The following TBC1D5 variants were observed in gnomAD, a reference collection of about 807,000 sequenced individuals.
TBC1D5 encodes TBC1 domain family member 5, also known as TBC1 domain family, member 5.
A neutral mutation model predicts 100.3 loss-of-function variants in TBC1D5; 75 were observed. The ratio of observed to expected loss-of-function variants is 0.75; its 90% CI spans 0.62 to 0.91. The LOEUF is 0.91. Among genes scored for constraint, TBC1D5 ranks in the 40% least tolerant of loss-of-function variants. The pLI is 0.00. For synonymous variants in TBC1D5, 323 were observed against 325.6 expected (o/e 0.99, Z 0.09); for missense variants, 910 against 942.4 (o/e 0.97, Z 0.45).
intron 3 of TBC1D5, among the ~76,000 whole-genome samples, chr3:17,482,594 C>T (rs1371398574): frequency 2.0e-5 from 3 of 151,986 alleles, no homozygotes; most frequent in Non-Finnish European, 4.4e-5. Flanking sequence ...TTTGAGTGTC[C>T]AGAAAATATT....
exon 22 of TBC1D5, chr3:17,159,093 C>CA (rs2065824373): frequency 6.6e-6 from 1 of 152,204 alleles, no homozygotes; most frequent in African/African-American, 2.4e-5. Context: ...GAGGAACACT[C>CA]AGAGCCAGAA....
chr3:17,479,739 G>A (rs1251929792), intron 3 of TBC1D5, among the ~76,000 whole-genome samples: 1 of 152,192 alleles, frequency 6.6e-6, no homozygotes, highest in Non-Finnish European at 1.5e-5. Flanking sequence ...TCAGGAGACG[G>A]AGGCAGGAAG....
rs971070585 is a variant in TBC1D5, at chr3:17,429,941, A to C, written c.98-1422T>G. On this transcript the variant is annotated intron_variant, in intron 3 of 21. Coordinates refer to ENST00000253692, the Ensembl canonical transcript of TBC1D5. ...ATTTTGTTTTTTGAAAAAACAAAAA[A>C]TCCTAAAATGGATTACAACACTTAA... 2.1e-5 allele frequency among the ~76,000 whole-genome samples: 3 copies of C among 144,260 alleles called. No homozygotes were observed. The East Asian group carries it at 5.8e-4, about 28-fold the overall frequency. The allele number at this position is 144,260 out of a possible 152,430, so 94.6% of individuals were successfully genotyped here.
intron 13 of TBC1D5, among the ~76,000 whole-genome samples, chr3:17,317,124 A>T (rs1435572951): frequency 6.6e-6 from 1 of 152,230 alleles, no homozygotes; most frequent in Non-Finnish European, 1.5e-5. Context: ...CAGGGGATGC[A>T]AACTAATGGC....
intron 13 of TBC1D5, among the ~76,000 whole-genome samples, chr3:17,336,790 G>A (rs1365248918): frequency 1.3e-5 from 2 of 151,776 alleles, no homozygotes; most frequent in Admixed American, 6.6e-5. Flanking sequence ...AGAAAGCGTC[G>A]ATGATATTAG....
intron 15 of TBC1D5, among the ~76,000 whole-genome samples, chr3:17,275,571 C>T (rs913793755): frequency 1.4e-4 from 22 of 152,234 alleles, no homozygotes; most frequent in Admixed American, 2.0e-4. Context: ...ACCAACCCCC[C>T]GTAACTAGGT....
chr3:17,526,574 G>C (rs1234208504), intron 2 of TBC1D5, among the ~76,000 whole-genome samples: 1 of 152,126 alleles, frequency 6.6e-6, no homozygotes, highest in Non-Finnish European at 1.5e-5. Context: ...TCTGAGATTA[G>C]ACAAATTAGC....
intron 8 of TBC1D5, among the ~76,000 whole-genome samples, chr3:17,385,124 A>G (rs12493567): frequency 0.43 from 65,987 of 151,886 alleles, 15,217 homozygotes; most frequent in African/African-American, 0.53. Flanking sequence ...TGCCTCATCT[A>G]TTAAGCAGGG....
chr3:17,721,805 A>AC (rs2075732451), intron 1 of TBC1D5, among the ~76,000 whole-genome samples: 1 of 151,968 alleles, frequency 6.6e-6, no homozygotes, highest in South Asian at 2.1e-4. Flanking sequence ...ACATGGCAAG[A>AC]CCCCATCTCT....
At chr3:17,476,166 CT>C (rs2095435545) in intron 3 of TBC1D5, among the ~76,000 whole-genome samples, 1 of 151,516 alleles carries the variant, frequency 6.6e-6, no homozygotes, top group South Asian at 2.1e-4. Context: ...TTTACAGTAT[CT>C]TCTCATAATA....
At chr3:17,670,086 CTA>C (rs973484569) in intron 1 of TBC1D5, among the ~76,000 whole-genome samples, 1 of 152,120 alleles carries the variant, frequency 6.6e-6, no homozygotes, top group Non-Finnish European at 1.5e-5. Flanking sequence ...TGGGTTTTCA[CTA>C]TGTTGGCCAG....
chr3:17,575,389 C>G (rs909080431), intron 2 of TBC1D5: 5 of 151,932 alleles, frequency 3.3e-5, no homozygotes, highest in African/African-American at 9.7e-5. Flanking sequence ...GAAATTCAAG[C>G]CTCCCTTTCT....
chr3:17,168,469 G>A (rs903959461), intron 19 of TBC1D5, among the ~76,000 whole-genome samples: 30 of 152,208 alleles, frequency 2.0e-4, no homozygotes, highest in East Asian at 1.9e-4. Context: ...ACCATCAGGC[G>A]CAGCATCACA....
intron 4 of TBC1D5, among the ~76,000 whole-genome samples, chr3:17,423,135 T>C (rs2094254885): frequency 6.6e-6 from 1 of 152,144 alleles, no homozygotes. Flanking sequence ...TATCAAGACA[T>C]TAGAACACCA....
At chr3:17,377,692 T>C (rs2092765300) in intron 9 of TBC1D5, among the ~76,000 whole-genome samples, 1 of 152,012 alleles carries the variant, frequency 6.6e-6, no homozygotes, top group African/African-American at 2.4e-5. Context: ...CTGCACAGTC[T>C]AGTAGTACTG....
chr3:17,251,435 C>T (rs915887561), intron 16 of TBC1D5, among the ~76,000 whole-genome samples: 1 of 144,868 alleles, frequency 6.9e-6, no homozygotes, highest in Non-Finnish European at 1.5e-5. Context: ...ACCCCCCCCC[C>T]CCCAGTAGAA....
intron 4 of TBC1D5, among the ~76,000 whole-genome samples, chr3:17,416,562 G>T (rs1575795328): frequency 1.3e-5 from 2 of 152,138 alleles, no homozygotes; most frequent in Admixed American, 1.3e-4. Context: ...AACATTAAAA[G>T]TTAAATAATA....
chr3:17,480,047 T>A (rs1233819059), intron 3 of TBC1D5, among the ~76,000 whole-genome samples: 1 of 152,204 alleles, frequency 6.6e-6, no homozygotes, highest in Non-Finnish European at 1.5e-5. Context: ...GCTCCTGGTG[T>A]CCGCTCTCTG....
chr3:17,662,071 G>T (rs1366142690), intron 1 of TBC1D5, among the ~76,000 whole-genome samples: 1 of 151,838 alleles, frequency 6.6e-6, no homozygotes, highest in Non-Finnish European at 1.5e-5. Flanking sequence ...TAAATTTTTT[G>T]TAGAGACAGG....
Sources: gnomAD v4.1 joint callset for allele counts (sites outside exome capture counted in the v4.1 genomes callset) on GRCh38, gnomAD v4.1.1 for gene constraint, MANE v1.5 for transcripts, NCBI Gene and HGNC (gene_info 2026-07-23, HGNC 2026-07-21) for gene names.